Variants in SCO1 observed in about 807,000 individuals in gnomAD.
SCO1 encodes the protein cytochrome c oxidase assembly factor SCO1.
In SCO1, 23 loss-of-function variants were observed where a neutral mutation model predicts 34.0. The ratio of observed to expected loss-of-function variants is 0.68; its 90% CI spans 0.49 to 0.96. The LOEUF is 0.96. Ranked by LOEUF, SCO1 falls within the 40% of genes least tolerant of loss-of-function variation. The pLI is 0.00. For synonymous variants in SCO1, 161 were observed against 145.5 expected (o/e 1.11, Z -0.77); for missense variants, 404 against 381.6 (o/e 1.06, Z -0.49).
Position 10,678,794 on chromosome 17 carries a change from AAAC to A in SCO1, c.*2322_*2324del, listed in dbSNP as rs1183347058. The A allele has an allele frequency of 1.3e-5, 2 of 152,178 alleles. No homozygotes were observed. The highest frequency in any genetic ancestry group is 1.3e-4 in the Admixed American group (2 of 15,286). 9.4% of individuals were successfully genotyped at this position (152,178 alleles called of 1,614,324 possible). ...ACTGCCTTACCAGGTTTGGTGGCTAAAACAACAGACATTTATTTCCTCACAGTT... is the reference window on the plus strand; with the variant it reads ...ACTGCCTTACCAGGTTTGGTGGCTAAAACAGACATTTATTTCCTCACAGTT... On this transcript the variant is annotated 3_prime_UTR_variant, in exon 6 of 6. Transcript: ENST00000255390.
chr17:10,688,922 C>G (rs954020458), intron 4 of SCO1, among the ~76,000 whole-genome samples: 1 of 141,348 alleles, frequency 7.1e-6, no homozygotes, highest in Non-Finnish European at 1.5e-5. Flanking sequence ...CGAGACCATC[C>G]CGGCTAAAAC....
intron 1 of SCO1, among the ~76,000 whole-genome samples, chr17:10,696,369 C>A (rs756942888): frequency 6.6e-6 from 1 of 151,654 alleles, no homozygotes. Context: ...CGCTTGAACC[C>A]GGGAGGCGGA....
In SCO1 at chr17:10,680,610, ACT is replaced by A. The variant is rs1284926274; in HGVS notation, c.*507_*508del. 1 of 164,510 alleles carries A rather than the reference ACT, an allele frequency of 6.1e-6. No homozygotes were observed. Among genetic ancestry groups the A allele is most frequent in the East Asian group, 1.6e-4 (1 of 6,092 alleles). 10.2% of individuals were successfully genotyped at this position (164,510 alleles called of 1,614,324 possible). ...GGAAAACTAAAGTTTTCAAGCATCAACTCTGAATGGCAGAGACCCTAATCTGA... is the reference window on the plus strand; with the variant it reads ...GGAAAACTAAAGTTTTCAAGCATCAACTGAATGGCAGAGACCCTAATCTGA... On this transcript the variant is annotated 3_prime_UTR_variant, in exon 6 of 6. Transcript: ENST00000255390.
At chr17:10,682,611 C>T (rs542371276) in intron 5 of SCO1, among the ~76,000 whole-genome samples, 1 of 152,148 alleles carries the variant, frequency 6.6e-6, no homozygotes, top group Non-Finnish European at 1.5e-5. Flanking sequence ...ATATAAATTA[C>T]CTTGTAGTAC....
chr17:10,681,059 A>G lies in SCO1; in HGVS notation c.*60T>C. On this transcript the variant is annotated 3_prime_UTR_variant, in exon 6 of 6. Coordinates refer to ENST00000255390, the MANE Select transcript of SCO1 (RefSeq NM_004589.4). ...TATGTTTATATTTATATAGGCTCCT[A>G]TGCGAGACAGTTTCCTTCCTCTTAG... is the stretch of plus-strand genomic sequence containing the variant. 3.1e-6 allele frequency: 5 copies of G among 1,595,472 alleles called. No homozygotes were observed. Among genetic ancestry groups the G allele is most frequent in the Non-Finnish European group, 4.3e-6 (5 of 1,163,146 alleles).
rs201621 is a variant in SCO1 at position 10,674,929 on chromosome 17, A to G, written c.*6190T>C. ...CCATCAAAATGCAGTGAGCATCATC[A>G]GAGTGGTCCGGAGCTTGACTGACAA... is the stretch of plus-strand genomic sequence containing the variant. On this transcript the variant is annotated 3_prime_UTR_variant, in exon 6 of 6. Transcript: ENST00000255390. The G allele has an allele frequency of 0.12, 18,464 of 152,238 alleles. 1,319 individuals are homozygous for G. The highest frequency in any genetic ancestry group is 0.28 in the East Asian group (1,442 of 5,164). 9.4% of individuals were successfully genotyped at this position (152,238 alleles called of 1,614,324 possible). A position where few individuals can be genotyped will look rare whatever the true frequency, so the allele number is the denominator to read the frequency against.
intron 4 of SCO1, among the ~76,000 whole-genome samples, chr17:10,687,810 G>C (rs962308370): frequency 2.6e-5 from 4 of 152,126 alleles, no homozygotes; most frequent in African/African-American, 4.8e-5. Context: ...TTACCATAAA[G>C]TCTGGTGTTT....
chr17:10,688,885 G>A (rs938686484), intron 4 of SCO1, among the ~76,000 whole-genome samples: 16 of 141,044 alleles, frequency 1.1e-4, no homozygotes, highest in Non-Finnish European at 4.4e-5. Flanking sequence ...GGGAGGCCGA[G>A]GCGGGCGGAT....
At position 10,695,729 on chromosome 17, in the gene SCO1, T is replaced by C; in HGVS notation, c.364+12A>G. 1.9e-6 allele frequency: 3 copies of C among 1,582,530 alleles called. No individual in the cohort carries two copies. The highest frequency in any genetic ancestry group is 1.7e-4 in the Middle Eastern group (1 of 5,974). ...CCTTTATACAGGGCTGAGCAGATGATAATCTACTTACTCTCTGCCTTTTCT... is the reference window on the plus strand; with the variant it reads ...CCTTTATACAGGGCTGAGCAGATGACAATCTACTTACTCTCTGCCTTTTCT... On this transcript the variant is annotated intron_variant, in intron 2 of 5. Transcript: ENST00000255390.
rs1172691601 is a variant in SCO1 at position 10,678,919 on chromosome 17, T to C, written c.*2200A>G. On this transcript the variant is annotated 3_prime_UTR_variant, in exon 6 of 6. Transcript: ENST00000255390. ...CTTGGCTTGTAAGATGGCTGTTTTC[T>C]CTCTGGCTTCTCATGGTCGTCTCAC... 1 of 151,802 alleles carries C rather than the reference T, an allele frequency of 6.6e-6. No individual in the cohort carries two copies. Among genetic ancestry groups the C allele is most frequent in the Non-Finnish European group, 1.5e-5 (1 of 68,000 alleles). The allele number at this position is 151,802 out of a possible 1,614,324, so 9.4% of individuals were successfully genotyped here.
Position 10,695,817 on chromosome 17 carries a change from C to T in SCO1, c.288G>A (p.Lys96=). ...RPSKPGPVSW[K]SLAITFAIGG... ...CAATAGCAAATGTGATTGCTAAAGA[C>T]TTCCAGGAAACAGGCTACTGGGGCA... is the stretch of plus-strand genomic sequence containing the variant. The change falls in exon 2 of 6, where the codon AAG becomes AAA. Residue 96 remains lysine (K), a synonymous_variant. Coordinates refer to ENST00000255390, the MANE Select transcript of SCO1 (RefSeq NM_004589.4). The T allele has an allele frequency of 6.2e-7, 1 of 1,613,154 alleles. No individual in the cohort carries two copies. Among genetic ancestry groups the T allele is most frequent in the Non-Finnish European group, 8.5e-7 (1 of 1,179,486 alleles).
chr17:10,689,569 T>G (rs2151455571), intron 4 of SCO1, among the ~76,000 whole-genome samples: 1 of 152,320 alleles, frequency 6.6e-6, no homozygotes, highest in South Asian at 2.1e-4. Flanking sequence ...CACAGATGAA[T>G]TAGAACCTAA....
rs1227607816 is a variant in SCO1 at position 10,686,939 on chromosome 17, C to T, written c.656-97G>A. 6 of 770,016 alleles carry T rather than the reference C, an allele frequency of 7.8e-6. No homozygotes were observed. The African/African-American group carries it at 8.5e-5, about 11-fold the overall frequency. 47.7% of individuals were successfully genotyped at this position (770,016 alleles called of 1,614,324 possible). The stretch of plus-strand genomic sequence containing the variant: ...TATCAGTTGTAAAGCAGCTCTACTG[C>T]CACTTTCTTCCTGTGAGTCTCCAAA... On this transcript the variant is annotated intron_variant, in intron 4 of 5. Coordinates refer to ENST00000255390, the MANE Select transcript of SCO1 (RefSeq NM_004589.4).
At position 10,673,917 on chromosome 17, in the gene SCO1, T is replaced by C. The variant is rs1391509210; in HGVS notation, c.*7202A>G. On this transcript the variant is annotated 3_prime_UTR_variant, in exon 6 of 6. Coordinates refer to ENST00000255390, the MANE Select transcript of SCO1 (RefSeq NM_004589.4). Reference sequence around the variant, plus strand: ...TTAAATAATTATCAGAAAATGGAATTTGTTTATTTGAGAGACTCTTCAAAT... The same window carrying C: ...TTAAATAATTATCAGAAAATGGAATCTGTTTATTTGAGAGACTCTTCAAAT... The C allele has an allele frequency of 2.6e-5, 4 of 152,154 alleles. No individual in the cohort carries two copies. Among genetic ancestry groups the C allele is most frequent in the Admixed American group, 2.6e-4 (4 of 15,270 alleles). The allele number at this position is 152,154 out of a possible 1,614,324, so 9.4% of individuals were successfully genotyped here.
chr17:10,697,518 G>C lies in SCO1; in HGVS notation c.-11C>G, dbSNP rs201971712. 5 of 1,613,098 alleles carry C rather than the reference G, an allele frequency of 3.1e-6. No homozygotes were observed. Among genetic ancestry groups the C allele is most frequent in the Non-Finnish European group, 4.2e-6 (5 of 1,179,860 alleles). ...GACCAGCATCGCCATGAGCCTCGGA[G>C]ACCGGGTCTCCTTTGACCCTCCCCG... On this transcript the variant is annotated 5_prime_UTR_variant, in exon 1 of 6. Transcript: ENST00000255390.
At position 10,672,759 on chromosome 17, in the gene SCO1, T is replaced by A. The variant is rs1369201336; in HGVS notation, c.*8360A>T. The A allele has an allele frequency of 6.6e-6, 1 of 152,260 alleles. No individual in the cohort carries two copies. Among genetic ancestry groups the A allele is most frequent in the African/African-American group, 2.4e-5 (1 of 41,470 alleles). 9.4% of individuals were successfully genotyped at this position (152,260 alleles called of 1,614,324 possible). On this transcript the variant is annotated 3_prime_UTR_variant, in exon 6 of 6. Coordinates refer to ENST00000255390, the MANE Select transcript of SCO1 (RefSeq NM_004589.4). The stretch of plus-strand genomic sequence containing the variant: ...TTTCTTAATTAATAGCTCATCATTT[T>A]TTCCAAAATTTTATAATTTTCTTCC...
At chr17:10,688,342 AAC>A (rs1259419816) in intron 4 of SCO1, among the ~76,000 whole-genome samples, 1 of 152,262 alleles carries the variant, frequency 6.6e-6, no homozygotes, top group Admixed American at 6.5e-5. Flanking sequence ...AAAAGATATG[AAC>A]AGACACTTCA....
chr17:10,696,469 C>G (rs192620097), intron 1 of SCO1, among the ~76,000 whole-genome samples: 1 of 152,198 alleles, frequency 6.6e-6, no homozygotes, highest in Non-Finnish European at 1.5e-5. Context: ...AATCCAAAAA[C>G]ACACACACAA....
chr17:10,678,710 T>C lies in SCO1; in HGVS notation c.*2409A>G, dbSNP rs2074598591. On this transcript the variant is annotated 3_prime_UTR_variant, in exon 6 of 6. Coordinates refer to ENST00000255390, the MANE Select transcript of SCO1 (RefSeq NM_004589.4). Reference sequence around the variant, plus strand: ...AACCAACTGCTTCCGAGCTGGTTTCTATAAACTAAATCTTGCAGTTGTTTA... The same window carrying C: ...AACCAACTGCTTCCGAGCTGGTTTCCATAAACTAAATCTTGCAGTTGTTTA... 2 of 152,242 alleles carry C rather than the reference T, an allele frequency of 1.3e-5. No homozygotes were observed. Among genetic ancestry groups the C allele is most frequent in the Admixed American group, 6.5e-5 (1 of 15,288 alleles). The allele number at this position is 152,242 out of a possible 1,614,324, so 9.4% of individuals were successfully genotyped here.
Sources: allele counts gnomAD v4.1 joint callset (sites outside exome capture counted in the v4.1 genomes callset), GRCh38; gene constraint gnomAD v4.1.1; transcripts MANE v1.5; gene names NCBI Gene and HGNC (gene_info 2026-07-23, HGNC 2026-07-21).